SOX6: variants seen among roughly 807,000 people sequenced by gnomAD.
SOX6 encodes transcription factor SOX-6.
In SOX6, 11 loss-of-function variants were observed where a neutral mutation model predicts 97.8. That is an observed-to-expected ratio of 0.11 (90% CI 0.07 to 0.19). The LOEUF is 0.19. SOX6 is among the 10% of genes least tolerant of loss of function. The pLI is 1.00. For synonymous variants in SOX6, 360 were observed against 371.4 expected, an observed-to-expected ratio of 0.97 and a Z score of 0.35; for missense variants, 810 against 1,039.5, an observed-to-expected ratio of 0.78 and a Z score of 3.04.
intron 3 of SOX6, among the ~76,000 whole-genome samples, chr11:16,617,185 CTA>C (rs1461120296): frequency 1.3e-5 from 2 of 151,780 alleles, no homozygotes; most frequent in African/African-American, 4.8e-5. Flanking sequence ...AGAATGTTTT[CTA>C]TGAGTTTGAA....
chr11:16,674,837 G>T (rs1207338023), intron 3 of SOX6, among the ~76,000 whole-genome samples: 2 of 152,212 alleles, frequency 1.3e-5, no homozygotes, highest in East Asian at 3.9e-4. Context: ...TGTAGTCCCG[G>T]CTACTCAGGA....
intron 6 of SOX6, among the ~76,000 whole-genome samples, chr11:16,134,612 T>C (rs1001410202): frequency 1.3e-5 from 2 of 152,220 alleles, no homozygotes; most frequent in African/African-American, 4.8e-5. Flanking sequence ...TCGCAATATT[T>C]CCAATTCTTT....
intron 7 of SOX6, among the ~76,000 whole-genome samples, chr11:16,101,052 A>G (rs1848933295): frequency 3.3e-5 from 5 of 151,740 alleles, no homozygotes; most frequent in African/African-American, 1.2e-4. Flanking sequence ...TGCCAGCATC[A>G]TAAAATGATA....
intron 4 of SOX6, among the ~76,000 whole-genome samples, chr11:16,542,128 G>A (rs930144416): frequency 1.3e-5 from 2 of 152,146 alleles, no homozygotes; most frequent in Non-Finnish European, 2.9e-5. Context: ...GGAATACTAC[G>A]CAGCCATAAA....
intron 1 of SOX6, among the ~76,000 whole-genome samples, chr11:16,371,998 A>G (rs566091695): frequency 2.6e-5 from 4 of 152,198 alleles, no homozygotes; most frequent in African/African-American, 9.6e-5. Flanking sequence ...AAAGGCACCT[A>G]ATATTTGTTA....
At chr11:16,136,396 A>G (rs1253856369) in intron 6 of SOX6, among the ~76,000 whole-genome samples, 6 of 145,958 alleles carry the variant, frequency 4.1e-5, no homozygotes, top group Non-Finnish European at 7.5e-5. Flanking sequence ...AATAGACCAC[A>G]GTATAGTGTA....
intron 4 of SOX6, among the ~76,000 whole-genome samples, chr11:16,233,785 AGATCAC>A (rs1649294437): frequency 6.6e-6 from 1 of 152,078 alleles, no homozygotes; most frequent in Non-Finnish European, 1.5e-5. Flanking sequence ...CAAGACAGGC[AGATCAC>A]GAGGTCAAGA....
intron 1 of SOX6, among the ~76,000 whole-genome samples, chr11:16,467,033 GA>G (rs1299544093): frequency 1.3e-5 from 2 of 150,034 alleles, no homozygotes; most frequent in Non-Finnish European, 3.0e-5. Flanking sequence ...ACAATCATAT[GA>G]AAAAAAAGTT....
chr11:16,191,236 C>T (rs533058734), intron 4 of SOX6, among the ~76,000 whole-genome samples: 1 of 152,226 alleles, frequency 6.6e-6, no homozygotes, highest in African/African-American at 2.4e-5. Flanking sequence ...GGGGGGATCG[C>T]TTGAAGCCCA....
chr11:16,410,276 T>C (rs1858777598), intron 1 of SOX6, among the ~76,000 whole-genome samples: 1 of 152,088 alleles, frequency 6.6e-6, no homozygotes. Flanking sequence ...TAAAATAAAG[T>C]AATGTCCAAA....
chr11:16,635,959 G>C (rs1848780205), intron 3 of SOX6, among the ~76,000 whole-genome samples: 1 of 152,250 alleles, frequency 6.6e-6, no homozygotes, highest in Non-Finnish European at 1.5e-5. Context: ...TGTCCAAGCA[G>C]AGGTGTGGTC....
At chr11:16,274,693 G>A (rs1274259203) in intron 3 of SOX6, among the ~76,000 whole-genome samples, 2 of 152,114 alleles carry the variant, frequency 1.3e-5, no homozygotes, top group Non-Finnish European at 2.9e-5. Context: ...TATTCATCAT[G>A]CTGCCCAAAA....
chr11:16,268,811 C>T (rs1256427562), intron 3 of SOX6, among the ~76,000 whole-genome samples: 1 of 150,792 alleles, frequency 6.6e-6, no homozygotes, highest in African/African-American at 2.4e-5. Flanking sequence ...TTCCAGAGTT[C>T]TTTATATATT....
rs1451899878 is a variant in SOX6, at chr11:16,132,505, A to AAAGAAAGAAAGCAAGC, written c.778-20583_778-20582insGCTTGCTTTCTTTCTT. Among the ~76,000 whole-genome samples the AAAGAAAGAAAGCAAGC allele has an allele frequency of 4.8e-3, 410 of 86,144 alleles. 39 individuals carry two copies. Among genetic ancestry groups the AAAGAAAGAAAGCAAGC allele is most frequent in the Admixed American group, 6.7e-3 (55 of 8,206 alleles). The allele number at this position is 86,144 out of a possible 152,430, so 56.5% of individuals were successfully genotyped here. ...GAAAGAAAGAAAGAAAGAAAGAAAG[A>AAAGAAAGAAAGCAAGC]AAGCTTATCTTTGTATCTAGGAAGA... On this transcript the variant is annotated intron_variant, in intron 6 of 15. Transcript: ENST00000683767.
At chr11:16,484,461 C>A (rs879168276) in intron 4 of SOX6, 1 of 805,576 alleles carries the variant, frequency 1.2e-6, no homozygotes, top group Non-Finnish European at 2.2e-6. Flanking sequence ...AAGAGCTCCT[C>A]GCACTTCACC....
At chr11:16,265,731 G>A (rs754846147) in intron 3 of SOX6, among the ~76,000 whole-genome samples, 2 of 151,810 alleles carry the variant, frequency 1.3e-5, no homozygotes, top group African/African-American at 4.8e-5. Context: ...AAGGTTAAAT[G>A]GAGGTATGAA....
intron 1 of SOX6, among the ~76,000 whole-genome samples, chr11:16,469,747 CAG>C (rs1860106697): frequency 6.6e-6 from 1 of 152,016 alleles, no homozygotes; most frequent in South Asian, 2.1e-4. Context: ...CAAGAAAAAA[CAG>C]TAATTCAGAA....
At chr11:16,161,069 G>A (rs1459464359) in intron 6 of SOX6, among the ~76,000 whole-genome samples, 1 of 151,986 alleles carries the variant, frequency 6.6e-6, no homozygotes, top group African/African-American at 2.4e-5. Context: ...AAAAAAGTGG[G>A]GGAGGGTGAT....
At chr11:16,230,367 A>G (rs930011724) in intron 4 of SOX6, among the ~76,000 whole-genome samples, 1 of 151,810 alleles carries the variant, frequency 6.6e-6, no homozygotes, top group Non-Finnish European at 1.5e-5. Flanking sequence ...CCAAAAAGGA[A>G]GAGAAAACAT....
Sources: allele counts gnomAD v4.1 joint callset (sites outside exome capture counted in the v4.1 genomes callset), GRCh38; gene constraint gnomAD v4.1.1; transcripts MANE v1.5; gene names NCBI Gene and HGNC (gene_info 2026-07-23, HGNC 2026-07-21).